The following FBXO31 variants were observed in gnomAD, a reference collection of about 807,000 sequenced individuals.
FBXO31 encodes F-box only protein 31.
A neutral mutation model predicts 54.4 loss-of-function variants in FBXO31; 24 were observed. That is an observed-to-expected ratio of 0.44 (90% CI 0.32 to 0.62). The LOEUF (loss-of-function observed/expected upper bound fraction) is 0.62, where lower values mean the gene tolerates loss of function less well. FBXO31 is among the 20% of genes least tolerant of loss of function. FBXO31 has a pLI of 0.05. For missense variants in FBXO31, 665 were observed against 787.1 expected, an observed-to-expected ratio of 0.84 and a Z score of 1.86; for synonymous variants, 388 against 335.6, an observed-to-expected ratio of 1.16 and a Z score of -1.71.
chr16:87,381,557 G>A (rs981238521), intron 1 of FBXO31, among the ~76,000 whole-genome samples: 1 of 152,178 alleles, frequency 6.6e-6, no homozygotes, highest in African/African-American at 2.4e-5. Flanking sequence ...CCAAATCAGG[G>A]GCCTCGACCA....
chr16:87,357,355 G>A (rs1285325279), intron 2 of FBXO31, among the ~76,000 whole-genome samples: 2 of 140,660 alleles, frequency 1.4e-5, no homozygotes, highest in African/African-American at 5.3e-5. Flanking sequence ...TTGAGACAGA[G>A]TCTCGCTCTT....
intron 3 of FBXO31, among the ~76,000 whole-genome samples, chr16:87,344,427 C>G (rs922511155): frequency 6.6e-6 from 1 of 152,208 alleles, no homozygotes; most frequent in Non-Finnish European, 1.5e-5. Flanking sequence ...GGCCCCAGCA[C>G]GCTCTGGCCA....
chr16:87,360,498 T>C, intron 1 of FBXO31, 132 bp from the exon 2 acceptor site: 2 of 706,480 alleles, frequency 2.8e-6, no homozygotes, highest in Non-Finnish European at 5.0e-6. Context: ...CATCTGTCAC[T>C]GTGGAGATTT....
intron 1 of FBXO31, among the ~76,000 whole-genome samples, chr16:87,376,539 T>C (rs1439255614): frequency 2.0e-5 from 3 of 152,184 alleles, no homozygotes; most frequent in Non-Finnish European, 4.4e-5. Flanking sequence ...CCTCCCAAAG[T>C]GCTGGGATTA....
Position 87,360,264 on chromosome 16 carries a change from A to T in FBXO31, c.412+31T>A, listed in dbSNP as rs1369152214. 2.5e-6 allele frequency: 4 copies of T among 1,597,412 alleles called. No individual in the cohort carries two copies. In the East Asian group the frequency reaches 8.9e-5, roughly 36 times the overall value. On this transcript the variant is annotated intron_variant, in intron 2 of 8. Transcript: ENST00000311635. Reference sequence around the variant, plus strand: ...ACTGTCTGCTTCTGGTACAAAGTTAATCATGGATGGTAACAAATAGATTCA... The same window carrying T: ...ACTGTCTGCTTCTGGTACAAAGTTATTCATGGATGGTAACAAATAGATTCA...
At chr16:87,342,687 C>T (rs1035221536) in intron 5 of FBXO31, among the ~76,000 whole-genome samples, 190 bp downstream of exon 5, 5 of 152,228 alleles carry the variant, frequency 3.3e-5, no homozygotes, top group Admixed American at 3.3e-4. Context: ...GCAACCTGCC[C>T]GCCCGCACGA....
intron 5 of FBXO31, among the ~76,000 whole-genome samples, chr16:87,337,065 A>G (rs1905063458): frequency 1.3e-5 from 2 of 152,222 alleles, no homozygotes; most frequent in Non-Finnish European, 2.9e-5. Flanking sequence ...CCGACAAGAA[A>G]CAGAAATCAC....
intron 1 of FBXO31, among the ~76,000 whole-genome samples, chr16:87,381,608 G>C (rs947410756): frequency 1.3e-5 from 2 of 152,246 alleles, no homozygotes; most frequent in African/African-American, 4.8e-5. Context: ...CTGTCCGGGA[G>C]GACTTGGAGA....
At chr16:87,340,902 G>A (rs1399420552) in intron 5 of FBXO31, among the ~76,000 whole-genome samples, 2 of 152,080 alleles carry the variant, frequency 1.3e-5, no homozygotes, top group Admixed American at 6.5e-5. Context: ...CTCCTATCTG[G>A]AAGGGCTTCG....
chr16:87,388,394 C>T (rs991892043), upstream of FBXO31, among the ~76,000 whole-genome samples: 1 of 152,248 alleles, frequency 6.6e-6, no homozygotes, highest in African/African-American at 2.4e-5. Flanking sequence ...TTGAGCAATA[C>T]TTGTTTGTTT....
chr16:87,340,156 G>C (rs9940845), intron 5 of FBXO31, among the ~76,000 whole-genome samples: 1 of 151,954 alleles, frequency 6.6e-6, no homozygotes, highest in Non-Finnish European at 1.5e-5. Context: ...GGTGGCAGGC[G>C]CCTGTAATAC....
At position 87,383,319 on chromosome 16, in the gene FBXO31, C is replaced by T; in HGVS notation, c.340+86G>A. On this transcript the variant is annotated intron_variant, in intron 1 of 8. Coordinates refer to ENST00000311635, the MANE Select transcript of FBXO31 (RefSeq NM_024735.5). This position sits in a 1 kb window ranked among gnomAD's most constrained non-coding sequence, Gnocchi z 4.9. ...CCAACTGGTGGCCCCCGGCCGGGGC[C>T]ACCGCCCCCGCCACTCCCAGCTCCG... 2.4e-6 allele frequency: 3 copies of T among 1,266,368 alleles called. No homozygotes were observed. Among genetic ancestry groups the T allele is most frequent in the South Asian group, 3.2e-5 (2 of 63,306 alleles). The allele number at this position is 1,266,368 out of a possible 1,614,324, so 78.4% of individuals were successfully genotyped here.
At chr16:87,368,394 G>A (rs183009103) in intron 1 of FBXO31, among the ~76,000 whole-genome samples, 6 of 152,238 alleles carry the variant, frequency 3.9e-5, no homozygotes, top group Admixed American at 2.6e-4. Context: ...AGTCATCAAG[G>A]GAAACTGCCC....
intron 1 of FBXO31, among the ~76,000 whole-genome samples, chr16:87,372,188 C>A (rs1906632718): frequency 6.6e-6 from 1 of 152,156 alleles, no homozygotes; most frequent in Non-Finnish European, 1.5e-5. Flanking sequence ...CATGCCATTG[C>A]ACTGCAGTCT....
Position 87,364,684 on chromosome 16 carries a change from G to A in FBXO31, c.341-4318C>T, listed in dbSNP as rs184655463. Among the ~76,000 whole-genome samples the A allele has an allele frequency of 4.1e-3, 619 of 152,164 alleles. 1 individual carries two copies. The highest frequency in any genetic ancestry group is 0.013 in the African/African-American group (548 of 41,498). On this transcript the variant is annotated intron_variant, in intron 1 of 8. Coordinates refer to ENST00000311635, the MANE Select transcript of FBXO31 (RefSeq NM_024735.5). The stretch of plus-strand genomic sequence containing the variant: ...TGACTTATCAGCTACAGTGAACTCC[G>A]GGAGGAAATCCCACCGCTGATACCA...
In FBXO31 at chr16:87,335,586, G is replaced by T; in HGVS notation, c.843-129C>A. On this transcript the variant is annotated intron_variant, in intron 6 of 8. Coordinates refer to ENST00000311635, the MANE Select transcript of FBXO31 (RefSeq NM_024735.5). The surrounding 1 kb of genome is among the most constrained non-coding windows in gnomAD (Gnocchi z 5.7). ...CAGCTCAGCTCAACCAGGGCCAGGT[G>T]TCCACCAGGCCTGTGGGCAGCAATG... The T allele has an allele frequency of 9.2e-7, 1 of 1,092,708 alleles. No individual in the cohort carries two copies. Among genetic ancestry groups the T allele is most frequent in the Non-Finnish European group, 1.3e-6 (1 of 773,702 alleles). 67.7% of individuals were successfully genotyped at this position (1,092,708 alleles called of 1,614,324 possible).
intron 2 of FBXO31, among the ~76,000 whole-genome samples, chr16:87,355,604 T>C (rs1014813250): frequency 6.6e-6 from 1 of 152,234 alleles, no homozygotes; most frequent in Non-Finnish European, 1.5e-5. Context: ...TACAATGACT[T>C]TGTGTTTTTA....
intron 1 of FBXO31, chr16:87,367,860 CCTGAGG>C (rs1452050032): frequency 6.6e-6 from 1 of 152,206 alleles, no homozygotes; most frequent in Non-Finnish European, 1.5e-5. Flanking sequence ...CAATACTGTT[CCTGAGG>C]CAGTTTATCT....
chr16:87,347,118 C>A, intron 3 of FBXO31, 56 bp downstream of exon 3: 1 of 1,495,266 alleles, frequency 6.7e-7, no homozygotes. Flanking sequence ...AATTCCTCCA[C>A]GTAAGGCACC....
Sources: allele counts gnomAD v4.1 joint callset (sites outside exome capture counted in the v4.1 genomes callset), GRCh38; gene constraint gnomAD v4.1.1; non-coding constraint Gnocchi (gnomAD v3.1); transcripts MANE v1.5; gene names NCBI Gene and HGNC (gene_info 2026-07-23, HGNC 2026-07-21).